Variants in EEF1AKMT1 observed in about 807,000 individuals in gnomAD.
EEF1AKMT1 encodes the protein EEF1A lysine methyltransferase 1.
EEF1AKMT1 carries 18 observed loss-of-function variants against 21.0 expected under a neutral mutation model. That is an observed-to-expected ratio of 0.86 (90% CI 0.59 to 1.27). EEF1AKMT1 has a LOEUF of 1.27. EEF1AKMT1 is among the 50% of genes most tolerant of loss of function. The probability of loss-of-function intolerance (pLI) is 0.00; values close to 1 mark genes in which losing one functional copy is unlikely to be tolerated. For missense variants in EEF1AKMT1, 246 were observed against 258.6 expected (o/e 0.95, Z 0.33); for synonymous variants, 109 against 94.8 (o/e 1.15, Z -0.87).
intron 1 of EEF1AKMT1, among the ~76,000 whole-genome samples, chr13:20,760,104 CAAAAAAAA>C (rs56891551): frequency 3.6e-5 from 2 of 56,240 alleles, no homozygotes; most frequent in Admixed American, 2.7e-4. Context: ...GACTCTGTCT[CAAAAAAAA>C]AAAAAAAAAA....
In EEF1AKMT1 at chr13:20,729,020, C is replaced by A. The variant is rs1035705829; in HGVS notation, c.*60G>T. 3 of 1,604,922 alleles carry A rather than the reference C, an allele frequency of 1.9e-6. No homozygotes were observed. The highest frequency in any genetic ancestry group is 1.7e-5 in the Admixed American group (1 of 59,766). On this transcript the variant is annotated 3_prime_UTR_variant, in exon 5 of 5. Coordinates refer to ENST00000382758, the MANE Select transcript of EEF1AKMT1 (RefSeq NM_001318939.2). ...GAGATTATAACTTTTAAATCTACTACGAAAATACAAAAAGAGGAATGTGAC... is the reference window on the plus strand; with the variant it reads ...GAGATTATAACTTTTAAATCTACTAAGAAAATACAAAAAGAGGAATGTGAC...
intron 3 of EEF1AKMT1, among the ~76,000 whole-genome samples, chr13:20,735,516 T>C (rs1166579138): frequency 6.6e-6 from 1 of 151,844 alleles, no homozygotes; most frequent in Non-Finnish European, 1.5e-5. Context: ...GCCCACTAGA[T>C]GTATAACTTC....
chr13:20,736,553 C>A (rs568927413), intron 3 of EEF1AKMT1, among the ~76,000 whole-genome samples: 1 of 151,708 alleles, frequency 6.6e-6, no homozygotes, highest in Non-Finnish European at 1.5e-5. Flanking sequence ...AAAGAGGTGT[C>A]GTAAAACCAG....
chr13:20,738,968 AC>A (rs1188689025), intron 2 of EEF1AKMT1, among the ~76,000 whole-genome samples: 1 of 152,110 alleles, frequency 6.6e-6, no homozygotes, highest in Non-Finnish European at 1.5e-5. Flanking sequence ...GAAGCTGTGG[AC>A]CCTCACGATG....
intron 3 of EEF1AKMT1, among the ~76,000 whole-genome samples, chr13:20,735,333 ACCATGACTGTGG>A (rs2058820794): frequency 6.9e-6 from 1 of 145,672 alleles, no homozygotes; most frequent in East Asian, 2.0e-4. Context: ...CCTGCCCCCC[ACCATGACTGTGG>A]CAGAAAACTG....
At chr13:20,740,341 C>A (rs1042338618) in intron 2 of EEF1AKMT1, among the ~76,000 whole-genome samples, 1 of 152,266 alleles carries the variant, frequency 6.6e-6, no homozygotes, top group African/African-American at 2.4e-5. Flanking sequence ...CGGAGGGAGC[C>A]GGCTTCGGCC....
chr13:20,765,016 CTT>C (rs1191674597), intron 1 of EEF1AKMT1, among the ~76,000 whole-genome samples: 1 of 151,892 alleles, frequency 6.6e-6, no homozygotes, highest in Non-Finnish European at 1.5e-5. Context: ...TATCCCAGCA[CTT>C]TGAGAGGCTG....
chr13:20,730,264 C>T (rs1344040328), intron 4 of EEF1AKMT1, among the ~76,000 whole-genome samples: 1 of 152,228 alleles, frequency 6.6e-6, no homozygotes, highest in Non-Finnish European at 1.5e-5. Context: ...AGTGAATAAG[C>T]GTGCAGGCAA....
chr13:20,742,688 A>G (rs537100150), intron 2 of EEF1AKMT1, among the ~76,000 whole-genome samples: 1 of 152,224 alleles, frequency 6.6e-6, no homozygotes, highest in Non-Finnish European at 1.5e-5. Context: ...AAGTTGCTCC[A>G]ACACCTAACG....
intron 2 of EEF1AKMT1, among the ~76,000 whole-genome samples, chr13:20,739,581 C>A (rs972368434): frequency 6.6e-6 from 1 of 152,088 alleles, no homozygotes; most frequent in Admixed American, 6.5e-5. Flanking sequence ...TCTAGCTAGA[C>A]GTAAAAGTTC....
At chr13:20,754,980 G>T (rs1404114486) in intron 2 of EEF1AKMT1, among the ~76,000 whole-genome samples, 2 of 152,166 alleles carry the variant, frequency 1.3e-5, no homozygotes, top group Non-Finnish European at 2.9e-5. Flanking sequence ...GAGCAGGCCT[G>T]TACTCAGGAT....
chr13:20,748,728 T>TGTTGTTG (rs1412112016), intron 2 of EEF1AKMT1, among the ~76,000 whole-genome samples: 8,689 of 122,298 alleles, frequency 0.071, 493 homozygotes, highest in Non-Finnish European at 0.11. Flanking sequence ...TTTTTTTGGT[T>TGTTGTTG]TTTTTTTTTT....
chr13:20,757,746 A>C lies in EEF1AKMT1; in HGVS notation c.-19-129T>G, dbSNP rs968867563. Reference sequence around the variant, plus strand: ...TGAGTTTTATACAAGTAAACCAAAAATAAAATTCTAAGCCCCCCAGCCAAC... The same window carrying C: ...TGAGTTTTATACAAGTAAACCAAAACTAAAATTCTAAGCCCCCCAGCCAAC... On this transcript the variant is annotated intron_variant, in intron 1 of 4. Transcript: ENST00000382758. The C allele has an allele frequency of 1.0e-4, 76 of 737,660 alleles. No homozygotes were observed. The East Asian group carries it at 1.5e-3, about 15-fold the overall frequency. 45.7% of individuals were successfully genotyped at this position (737,660 alleles called of 1,614,324 possible). A position where few individuals can be genotyped will look rare whatever the true frequency, so the allele number is the denominator to read the frequency against.
intron 4 of EEF1AKMT1, among the ~76,000 whole-genome samples, chr13:20,730,527 C>A (rs1374040312): frequency 6.6e-6 from 1 of 152,058 alleles, no homozygotes; most frequent in Non-Finnish European, 1.5e-5. Flanking sequence ...TTCTTTGAGA[C>A]AATCTTGCTC....
intron 1 of EEF1AKMT1, among the ~76,000 whole-genome samples, chr13:20,769,609 C>A (rs960455552): frequency 2.6e-5 from 4 of 152,032 alleles, no homozygotes; most frequent in African/African-American, 9.7e-5. Context: ...GTTTACAACT[C>A]GTGCTGATCC....
chr13:20,733,206 C>T (rs565632284), intron 3 of EEF1AKMT1, among the ~76,000 whole-genome samples: 50 of 151,380 alleles, frequency 3.3e-4, no homozygotes, highest in African/African-American at 1.2e-3. Context: ...AGCGATTCTC[C>T]TGCCTCAGCC....
At chr13:20,769,071 A>T (rs2063685072) in intron 1 of EEF1AKMT1, 2 of 152,112 alleles carry the variant, frequency 1.3e-5, no homozygotes, top group South Asian at 4.1e-4. Flanking sequence ...AAGCAAAAAC[A>T]GACATTCTAT....
At chr13:20,730,957 C>A (rs1444798355) in intron 4 of EEF1AKMT1, among the ~76,000 whole-genome samples, 1 of 152,206 alleles carries the variant, frequency 6.6e-6, no homozygotes, top group South Asian at 2.1e-4. Context: ...ACACATACCG[C>A]AAGGGTCTGC....
At chr13:20,737,342 G>A (rs1441939508) in intron 3 of EEF1AKMT1, among the ~76,000 whole-genome samples, 3 of 151,946 alleles carry the variant, frequency 2.0e-5, no homozygotes, top group African/African-American at 7.3e-5. Context: ...CTCCAGCCTG[G>A]GCAACAGAGT....
Sources: gnomAD v4.1 joint callset for allele counts (sites outside exome capture counted in the v4.1 genomes callset) on GRCh38, gnomAD v4.1.1 for gene constraint, MANE v1.5 for transcripts, NCBI Gene and HGNC (gene_info 2026-07-23, HGNC 2026-07-21) for gene names.